CEP57: variants seen among roughly 807,000 people sequenced by gnomAD.
CEP57 encodes the protein centrosomal protein 57.
In CEP57, 40 loss-of-function variants were observed where a neutral mutation model predicts 68.0. That is an observed-to-expected ratio of 0.59 (90% CI 0.46 to 0.77). CEP57 has a LOEUF of 0.77. Among genes scored for constraint, CEP57 ranks in the 30% least tolerant of loss-of-function variants. The pLI is 0.00. For missense variants in CEP57, 606 were observed against 580.7 expected (o/e 1.04, Z -0.45); for synonymous variants, 219 against 198.7 (o/e 1.10, Z -0.86).
At position 95,829,168 on chromosome 11, in the gene CEP57, A is replaced by G. The variant is rs765867676; in HGVS notation, c.1128-19A>G. ...AACACAGAAAACTTAACCATGTTCT[A>G]CTTCTGCTTTGTATATAGTGATCAC... On this transcript the variant is annotated intron_variant, in intron 9 of 10. Coordinates refer to ENST00000325542, the MANE Select transcript of CEP57 (RefSeq NM_014679.5). 18 of 1,613,118 alleles carry G rather than the reference A, an allele frequency of 1.1e-5. 1 individual carries two copies. In the South Asian group the frequency reaches 1.4e-4, roughly 13 times the overall value.
intron 1 of CEP57, among the ~76,000 whole-genome samples, chr11:95,791,828 C>G (rs1861094065): frequency 6.6e-6 from 1 of 152,016 alleles, no homozygotes; most frequent in African/African-American, 2.4e-5. Flanking sequence ...ACAGTAGGTG[C>G]TTTTAGGAAA....
intron 1 of CEP57, among the ~76,000 whole-genome samples, chr11:95,791,555 C>T (rs2950522): frequency 0.28 from 42,822 of 152,050 alleles, 7,129 homozygotes; most frequent in Non-Finnish European, 0.38. Flanking sequence ...TCCAAATGAA[C>T]AGAATAGAAA....
chr11:95,812,403 A>G (rs1212791291), intron 2 of CEP57, among the ~76,000 whole-genome samples: 2 of 151,996 alleles, frequency 1.3e-5, no homozygotes, highest in African/African-American at 4.8e-5. Flanking sequence ...GCACATTTCA[A>G]ACACTCAATG....
At chr11:95,824,789 A>T (rs766216830) in intron 8 of CEP57, among the ~76,000 whole-genome samples, 2 of 152,220 alleles carry the variant, frequency 1.3e-5, no homozygotes, top group African/African-American at 4.8e-5. Flanking sequence ...CCGATTTACA[A>T]TCAGGACTGC....
At chr11:95,791,726 G>C (rs983015152) in intron 1 of CEP57, among the ~76,000 whole-genome samples, 4 of 152,234 alleles carry the variant, frequency 2.6e-5, no homozygotes, top group African/African-American at 9.6e-5. Flanking sequence ...GGAAGATGGA[G>C]CTAGTTGCGT....
At chr11:95,803,058 C>T (rs1011358481) in intron 2 of CEP57, among the ~76,000 whole-genome samples, 1 of 152,100 alleles carries the variant, frequency 6.6e-6, no homozygotes, top group African/African-American at 2.4e-5. Flanking sequence ...CTGAGGTTTA[C>T]ATCAGAAGTA....
intron 2 of CEP57, among the ~76,000 whole-genome samples, chr11:95,800,392 T>A (rs969332037): frequency 6.6e-6 from 1 of 151,896 alleles, no homozygotes; most frequent in South Asian, 2.1e-4. Context: ...TCTTTTTTTT[T>A]TTTATTTTTT....
At chr11:95,803,449 A>G (rs936766031) in intron 2 of CEP57, among the ~76,000 whole-genome samples, 18 of 152,186 alleles carry the variant, frequency 1.2e-4, no homozygotes, top group Admixed American at 1.1e-3. Flanking sequence ...GGCTTTGGAA[A>G]ATACCACCAT....
At chr11:95,790,321 C>G (rs1010142042), upstream of CEP57, 2 of 351,576 alleles carry the variant, frequency 5.7e-6, no homozygotes, top group Non-Finnish European at 1.1e-5. Flanking sequence ...GGAGGAGGCC[C>G]GACCCTCCGT....
At chr11:95,816,783 CG>C in intron 4 of CEP57, among the ~76,000 whole-genome samples, 1 of 152,164 alleles carries the variant, frequency 6.6e-6, no homozygotes, top group East Asian at 1.9e-4. Context: ...TAATGGTTTA[CG>C]GGTGGATTAC....
rs1376783027 is a variant in CEP57 at position 95,831,881 on chromosome 11, G to GT, written c.*627dup. 6 of 152,108 alleles carry GT rather than the reference G, an allele frequency of 3.9e-5. No homozygotes were observed. The East Asian group carries it at 1.2e-3, about 29-fold the overall frequency. 9.4% of individuals were successfully genotyped at this position (152,108 alleles called of 1,614,324 possible). On this transcript the variant is annotated 3_prime_UTR_variant, in exon 11 of 11. Transcript: ENST00000325542. ...TTAAAGACCCAAGCAGTCATTTTGA[G>GT]TTATATCTATAAAAATTATAAAAGG...
chr11:95,820,532 A>C (rs1862474197), intron 6 of CEP57, among the ~76,000 whole-genome samples: 1 of 148,146 alleles, frequency 6.8e-6, no homozygotes. Context: ...TGGAAGTTGC[A>C]CTGAGTTGAG....
intron 10 of CEP57, among the ~76,000 whole-genome samples, chr11:95,830,406 T>C (rs1310047914): frequency 2.0e-5 from 3 of 152,214 alleles, no homozygotes; most frequent in African/African-American, 4.8e-5. Context: ...ATTTGTTGCT[T>C]ATACTAATTA....
At chr11:95,802,318 G>A (rs907016122) in intron 2 of CEP57, among the ~76,000 whole-genome samples, 7 of 148,308 alleles carry the variant, frequency 4.7e-5, no homozygotes, top group African/African-American at 1.7e-4. Context: ...GCGGTGGCAT[G>A]ATCTTGGCTC....
chr11:95,819,462 A>G (rs914817461), intron 6 of CEP57, among the ~76,000 whole-genome samples: 2 of 152,180 alleles, frequency 1.3e-5, no homozygotes, highest in Non-Finnish European at 2.9e-5. Context: ...CATTGAGTTT[A>G]TATGTACCAA....
intron 8 of CEP57, 87 bp downstream of exon 8, chr11:95,822,663 A>G: frequency 1.3e-6 from 1 of 772,002 alleles, no homozygotes; most frequent in South Asian, 1.4e-5. Flanking sequence ...TACAAATGGA[A>G]GGAACATTTT....
chr11:95,815,725 G>A (rs1862271588), intron 4 of CEP57, among the ~76,000 whole-genome samples: 2 of 152,184 alleles, frequency 1.3e-5, no homozygotes, highest in South Asian at 2.1e-4. Flanking sequence ...AAGCCAGACA[G>A]ATCACTTGAG....
chr11:95,819,704 G>A (rs1319433658), intron 6 of CEP57, among the ~76,000 whole-genome samples: 1 of 152,162 alleles, frequency 6.6e-6, no homozygotes, highest in Non-Finnish European at 1.5e-5. Flanking sequence ...ATTCCAAGGA[G>A]TAGAGCCTCT....
Position 95,828,023 on chromosome 11 carries a change from A to C in CEP57, c.1123A>C (p.Ser375Arg), listed in dbSNP as rs145833953. ...QTLQDEFGQMSFDHQQLAKLI... is the reference protein window; with the variant it reads ...QTLQDEFGQMRFDHQQLAKLI... The stretch of plus-strand genomic sequence containing the variant: ...TTTACAGGATGAATTTGGGCAAATG[A>C]GCTTGTGAGTTTTTGTTTTTTTTTT... Residue 375 changes from serine to arginine, a missense_variant, in exon 9 of 11, where the codon AGC (serine) becomes CGC (arginine). Physicochemically the swap from Ser to Arg is moderately radical, Grantham distance 110. Transcript: ENST00000325542. 1.2e-5 allele frequency: 20 copies of C among 1,612,348 alleles called. No homozygotes were observed. In the African/African-American group the frequency reaches 2.1e-4, roughly 17 times the overall value.
Sources: gnomAD v4.1 joint callset for allele counts (sites outside exome capture counted in the v4.1 genomes callset) on GRCh38, gnomAD v4.1.1 for gene constraint, MANE v1.5 for transcripts, NCBI Gene and HGNC (gene_info 2026-07-23, HGNC 2026-07-21) for gene names.